Variants in GALNT13 observed in about 807,000 individuals in gnomAD.
GALNT13 encodes UDP-GalNAc:polypeptide N-acetylgalactosaminyltransferase 13.
In GALNT13, 28 loss-of-function variants were observed where a neutral mutation model predicts 64.2. The ratio of observed to expected loss-of-function variants is 0.44; its 90% confidence interval spans 0.32 to 0.60. GALNT13 has a LOEUF of 0.60. GALNT13 is among the 20% of genes least tolerant of loss of function. The pLI is 0.05. For synonymous variants in GALNT13, 214 were observed against 224.6 expected (o/e 0.95, Z 0.42); for missense variants, 577 against 669.8 (o/e 0.86, Z 1.53).
chr2:153,333,492 A>G, the GALNT13 span, among the ~76,000 whole-genome samples: 9 of 152,156 alleles, frequency 5.9e-5, no homozygotes, highest in African/African-American at 2.2e-4. Flanking sequence ...TTCTTGATTT[A>G]AAGTTCACAG....
the GALNT13 span, among the ~76,000 whole-genome samples, chr2:153,226,299 T>A: frequency 6.6e-6 from 1 of 152,116 alleles, no homozygotes; most frequent in Non-Finnish European, 1.5e-5. Flanking sequence ...AAAGACAGAA[T>A]AGTCAACATA....
chr2:153,518,752 A>G, the GALNT13 span, among the ~76,000 whole-genome samples: 6 of 152,186 alleles, frequency 3.9e-5, no homozygotes, highest in African/African-American at 1.4e-4. Context: ...ATCTGGTTCT[A>G]TAAATGTTTA....
chr2:153,867,527 T>C (rs142868467), upstream of GALNT13, among the ~76,000 whole-genome samples: 127 of 152,272 alleles, frequency 8.3e-4, no homozygotes, highest in African/African-American at 3.0e-3. Flanking sequence ...GGGACCAGTT[T>C]TGTGGAAGAC....
the GALNT13 span, among the ~76,000 whole-genome samples, chr2:153,332,539 T>G: frequency 3.3e-5 from 5 of 151,592 alleles, no homozygotes; most frequent in Non-Finnish European, 4.4e-5. Flanking sequence ...GTATTGTTTT[T>G]TTTTTTTTTT....
At chr2:153,775,379 T>C in the GALNT13 span, among the ~76,000 whole-genome samples, 1 of 152,136 alleles carries the variant, frequency 6.6e-6, no homozygotes, top group Non-Finnish European at 1.5e-5. Flanking sequence ...ATTTAGTTTT[T>C]CAATATATTG....
At chr2:154,192,215 CTGTCAGTG>C (rs1686629270) in intron 4 of GALNT13, among the ~76,000 whole-genome samples, 1 of 152,312 alleles carries the variant, frequency 6.6e-6, no homozygotes, top group South Asian at 2.1e-4. Context: ...TTATCTTCTT[CTGTCAGTG>C]TGTTCCTCTC....
chr2:153,420,712 C>T, the GALNT13 span: 1 of 227,758 alleles, frequency 4.4e-6, no homozygotes, highest in Non-Finnish European at 9.8e-6. Context: ...TCCACACCAA[C>T]CTCCTCATAA....
intron 8 of GALNT13, among the ~76,000 whole-genome samples, chr2:154,275,449 A>G (rs563425768): frequency 1.4e-3 from 210 of 152,336 alleles, no homozygotes; most frequent in African/African-American, 4.7e-3. Context: ...GCATCAGTAT[A>G]CAGTTCAGGC....
the GALNT13 span, among the ~76,000 whole-genome samples, chr2:153,095,041 A>G: frequency 6.6e-6 from 1 of 152,168 alleles, no homozygotes; most frequent in South Asian, 2.1e-4. Context: ...GACAAATGGG[A>G]TCTAATTAAA....
intron 4 of GALNT13, among the ~76,000 whole-genome samples, chr2:154,227,885 G>A (rs927557702): frequency 2.6e-5 from 4 of 151,992 alleles, no homozygotes; most frequent in Non-Finnish European, 4.4e-5. Context: ...CATGGCTCTA[G>A]TATATTGACT....
chr2:153,256,619 G>A, the GALNT13 span, among the ~76,000 whole-genome samples: 1 of 152,162 alleles, frequency 6.6e-6, no homozygotes, highest in African/African-American at 2.4e-5. Context: ...TGGTCTTTGA[G>A]GATGGTGATG....
At chr2:153,663,762 C>T in the GALNT13 span, among the ~76,000 whole-genome samples, 42 of 152,176 alleles carry the variant, frequency 2.8e-4, no homozygotes, top group Non-Finnish European at 4.4e-5. Context: ...CTGGGAAGAG[C>T]TGTCTATCTG....
At chr2:153,714,741 T>C in the GALNT13 span, among the ~76,000 whole-genome samples, 13 of 152,232 alleles carry the variant, frequency 8.5e-5, no homozygotes, top group Non-Finnish European at 1.8e-4. Flanking sequence ...AGCTAAATCA[T>C]AGGTCTATAC....
At chr2:154,335,657 A>G (rs1411740434) in intron 9 of GALNT13, among the ~76,000 whole-genome samples, 1 of 152,046 alleles carries the variant, frequency 6.6e-6, no homozygotes, top group African/African-American at 2.4e-5. Context: ...ATTTTTTGTT[A>G]GAAGTTATAT....
At chr2:154,263,182 G>T (rs1036347189) in intron 8 of GALNT13, among the ~76,000 whole-genome samples, 1 of 152,186 alleles carries the variant, frequency 6.6e-6, no homozygotes, top group Non-Finnish European at 1.5e-5. Flanking sequence ...TATGGACTGG[G>T]ATTCAGATAG....
At chr2:153,566,556 G>A in the GALNT13 span, among the ~76,000 whole-genome samples, 14 of 151,988 alleles carry the variant, frequency 9.2e-5, no homozygotes, top group Non-Finnish European at 1.5e-4. Context: ...GGGTTTCACC[G>A]TGTTAGCCAA....
Position 154,039,887 on chromosome 2 carries a change from G to T in GALNT13, c.142+95248G>T, listed in dbSNP as rs966454921. On this transcript the variant is annotated intron_variant, in intron 3 of 12. Transcript: ENST00000392825. ...GGGATATTGTATGCTCCATATATAT[G>T]TACAATTATTATGTGTCAACTAAAA... Among the ~76,000 whole-genome samples, 9 of 139,948 alleles carry T rather than the reference G, an allele frequency of 6.4e-5. 2 individuals are homozygous for T. In the East Asian group the frequency reaches 1.8e-3, roughly 28 times the overall value. The allele number at this position is 139,948 out of a possible 152,430, so 91.8% of individuals were successfully genotyped here. A position where few individuals can be genotyped will look rare whatever the true frequency, so the allele number is the denominator to read the frequency against.
chr2:153,577,059 G>T, the GALNT13 span, among the ~76,000 whole-genome samples: 1 of 152,136 alleles, frequency 6.6e-6, no homozygotes, highest in Non-Finnish European at 1.5e-5. Context: ...GGCATGTGAA[G>T]TAAGAGGTCA....
the GALNT13 span, among the ~76,000 whole-genome samples, chr2:153,415,405 G>A: frequency 6.6e-6 from 1 of 152,156 alleles, no homozygotes; most frequent in Non-Finnish European, 1.5e-5. Flanking sequence ...AACTCCTTGT[G>A]TTGCAGCAAA....
Sources: allele counts gnomAD v4.1 joint callset (sites outside exome capture counted in the v4.1 genomes callset), GRCh38; gene constraint gnomAD v4.1.1; transcripts MANE v1.5; gene names NCBI Gene and HGNC (gene_info 2026-07-23, HGNC 2026-07-21).